The following SUPT3H variants were observed in gnomAD, a reference collection of about 807,000 sequenced individuals.
SUPT3H encodes the protein transcription initiation protein SPT3 homolog.
A neutral mutation model predicts 44.3 loss-of-function variants in SUPT3H; 44 were observed. That is an observed-to-expected ratio of 0.99 (90% CI 0.78 to 1.28). The LOEUF is 1.28. Among genes scored for constraint, SUPT3H ranks in the 50% most tolerant of loss-of-function variants. The pLI is 0.00. For missense variants in SUPT3H, 380 were observed against 387.1 expected (o/e 0.98, Z 0.15); for synonymous variants, 124 against 125.6 (o/e 0.99, Z 0.09).
chr6:44,835,885 G>A (rs1769783175), intron 10 of SUPT3H, among the ~76,000 whole-genome samples: 1 of 151,932 alleles, frequency 6.6e-6, no homozygotes, highest in African/African-American at 2.4e-5. Context: ...CCATATGTCC[G>A]AATTCAGCCC....
chr6:44,893,531 TC>T (rs1187080999), intron 10 of SUPT3H, among the ~76,000 whole-genome samples: 1 of 152,246 alleles, frequency 6.6e-6, no homozygotes, highest in African/African-American at 2.4e-5. Context: ...TTCATCCATG[TC>T]CCTACAAAGG....
chr6:44,954,848 T>C (rs919496416), intron 7 of SUPT3H, among the ~76,000 whole-genome samples: 1 of 152,228 alleles, frequency 6.6e-6, no homozygotes. Context: ...TCTTTTATTT[T>C]ACACCTATGC....
At chr6:44,849,581 G>T (rs942143243) in intron 10 of SUPT3H, among the ~76,000 whole-genome samples, 26 of 152,162 alleles carry the variant, frequency 1.7e-4, no homozygotes, top group Non-Finnish European at 3.2e-4. Flanking sequence ...AGGATCTGGA[G>T]AAAGGGTCAG....
At chr6:45,018,354 A>C (rs563269347) in intron 4 of SUPT3H, among the ~76,000 whole-genome samples, 1 of 151,192 alleles carries the variant, frequency 6.6e-6, no homozygotes, top group South Asian at 2.1e-4. Context: ...CTCCTGCCTA[A>C]TTGCCCTGGC....
At chr6:45,333,885 A>G (rs1409777193) in intron 2 of SUPT3H, among the ~76,000 whole-genome samples, 1 of 151,338 alleles carries the variant, frequency 6.6e-6, no homozygotes, top group Non-Finnish European at 1.5e-5. Context: ...TAAAAGATAA[A>G]TGTTTACCTT....
intron 1 of SUPT3H, chr6:45,372,031 A>G (rs1482821889): frequency 2.1e-6 from 2 of 963,324 alleles, no homozygotes; most frequent in East Asian, 2.3e-4. Context: ...TATACAAATA[A>G]AAGTTTATCA....
At chr6:45,190,056 T>A (rs1814872740) in intron 2 of SUPT3H, among the ~76,000 whole-genome samples, 1 of 152,198 alleles carries the variant, frequency 6.6e-6, no homozygotes. Flanking sequence ...GAAGCTTTAA[T>A]ATATGTTCCA....
intron 2 of SUPT3H, among the ~76,000 whole-genome samples, chr6:45,177,438 T>A (rs1317225884): frequency 6.6e-6 from 1 of 152,052 alleles, no homozygotes. Context: ...CAAATCTACG[T>A]CTGATTGGTG....
At chr6:44,877,558 A>G (rs1423975627) in intron 10 of SUPT3H, among the ~76,000 whole-genome samples, 1 of 152,130 alleles carries the variant, frequency 6.6e-6, no homozygotes, top group Admixed American at 6.5e-5. Flanking sequence ...ATTTTCACTA[A>G]CATAAGTGTA....
chr6:45,158,298 A>ATATATATATATTT lies in SUPT3H; in HGVS notation c.102-52293_102-52292insAAATATATATATA. Among the ~76,000 whole-genome samples the ATATATATATATTT allele has an allele frequency of 1.7e-4, 17 of 99,686 alleles. 1 individual carries two copies. The highest frequency in any genetic ancestry group is 8.5e-4 in the African/African-American group (17 of 19,980). 65.4% of individuals were successfully genotyped at this position (99,686 alleles called of 152,430 possible). A position where few individuals can be genotyped will look rare whatever the true frequency, so the allele number is the denominator to read the frequency against. On this transcript the variant is annotated intron_variant, in intron 2 of 10. Coordinates refer to ENST00000371459, the MANE Select transcript of SUPT3H (RefSeq NM_003599.4). ...TACATATATATATATATATATATAT[A>ATATATATATATTT]TTTTTTTTTTTTTTTTTTTGAGATG... is the stretch of plus-strand genomic sequence containing the variant.
In SUPT3H at chr6:45,029,323, T is replaced by TATATGAC. The variant is rs1194578044; in HGVS notation, c.187-8698_187-8692dup. 3.5e-5 allele frequency among the ~76,000 whole-genome samples: 5 copies of TATATGAC among 141,792 alleles called. No individual in the cohort carries two copies. In the Admixed American group the frequency reaches 3.8e-4, roughly 11 times the overall value. The allele number at this position is 141,792 out of a possible 152,430, so 93.0% of individuals were successfully genotyped here. ...TTCATTCATATATACTATGTGTGTA[T>TATATGAC]ATATGACATATTTGTATGTGTATAT... On this transcript the variant is annotated intron_variant, in intron 3 of 10. Transcript: ENST00000371459.
At chr6:44,986,767 C>T (rs999980566) in intron 6 of SUPT3H, among the ~76,000 whole-genome samples, 2 of 151,714 alleles carry the variant, frequency 1.3e-5, no homozygotes, top group South Asian at 2.1e-4. Flanking sequence ...TTCAGGGTAC[C>T]GGAGATACTG....
intron 2 of SUPT3H, among the ~76,000 whole-genome samples, chr6:45,339,185 T>A (rs970642140): frequency 2.0e-5 from 3 of 152,048 alleles, no homozygotes; most frequent in African/African-American, 7.2e-5. Flanking sequence ...ATTGAAAGAG[T>A]ATTCCATTAA....
chr6:45,207,007 T>C (rs897991343), intron 2 of SUPT3H, among the ~76,000 whole-genome samples: 1 of 152,148 alleles, frequency 6.6e-6, no homozygotes, highest in Non-Finnish European at 1.5e-5. Context: ...TATTTAATAT[T>C]GAAAACCACA....
At chr6:45,050,951 C>T (rs867370753) in intron 3 of SUPT3H, among the ~76,000 whole-genome samples, 4 of 128,754 alleles carry the variant, frequency 3.1e-5, no homozygotes, top group African/African-American at 1.2e-4. Context: ...GTGGCATGAT[C>T]TCGACTCACT....
intron 2 of SUPT3H, among the ~76,000 whole-genome samples, chr6:45,185,956 TG>T (rs1386999527): frequency 6.6e-6 from 1 of 152,150 alleles, no homozygotes; most frequent in East Asian, 1.9e-4. Flanking sequence ...AATGCAGAGC[TG>T]GTGGGCACTC....
At chr6:45,288,908 T>TCC (rs1779850880) in intron 2 of SUPT3H, among the ~76,000 whole-genome samples, 1 of 152,016 alleles carries the variant, frequency 6.6e-6, no homozygotes, top group Non-Finnish European at 1.5e-5. Context: ...GACTCAGTTT[T>TCC]AAAGAATTAC....
chr6:45,238,065 T>A (rs1004065574), intron 2 of SUPT3H, among the ~76,000 whole-genome samples: 8 of 152,178 alleles, frequency 5.3e-5, no homozygotes, highest in African/African-American at 1.9e-4. Context: ...GAAAGTGTTG[T>A]GACAAGGCAT....
intron 2 of SUPT3H, among the ~76,000 whole-genome samples, chr6:45,192,448 CA>C (rs759229646): frequency 6.6e-6 from 1 of 151,830 alleles, no homozygotes; most frequent in South Asian, 2.1e-4. Context: ...TTGATTACTT[CA>C]AAAAAATACA....
Sources: allele counts gnomAD v4.1 joint callset (sites outside exome capture counted in the v4.1 genomes callset), GRCh38; gene constraint gnomAD v4.1.1; transcripts MANE v1.5; gene names NCBI Gene and HGNC (gene_info 2026-07-23, HGNC 2026-07-21).